Variants in KSR2 observed in about 807,000 individuals in gnomAD.
KSR2 encodes the protein kinase suppressor of ras 2.
A neutral mutation model predicts 107.8 loss-of-function variants in KSR2; 25 were observed. The ratio of observed to expected loss-of-function variants is 0.23; its 90% CI spans 0.17 to 0.32. The LOEUF is 0.32. Ranked by LOEUF, KSR2 falls within the 10% of genes least tolerant of loss-of-function variation. The pLI is 1.00. For missense variants in KSR2, 887 were observed against 1,268.9 expected (o/e 0.70, Z 4.57); for synonymous variants, 480 against 507.0 (o/e 0.95, Z 0.71).
intron 4 of KSR2, among the ~76,000 whole-genome samples, chr12:117,692,164 G>A (rs144340106): frequency 1.8e-4 from 27 of 152,142 alleles, no homozygotes; most frequent in Non-Finnish European, 2.6e-4. Context: ...ACGGTTCTCC[G>A]AAGGAGATAC....
At chr12:117,694,685 G>A (rs1397774989) in intron 4 of KSR2, among the ~76,000 whole-genome samples, 1 of 152,238 alleles carries the variant, frequency 6.6e-6, no homozygotes, top group East Asian at 1.9e-4. Flanking sequence ...TTCACTGACA[G>A]ATGAATGGAT....
chr12:117,521,022 G>A (rs965486904), intron 14 of KSR2, among the ~76,000 whole-genome samples: 34 of 152,208 alleles, frequency 2.2e-4, no homozygotes, highest in Admixed American at 2.2e-3. Context: ...CTGGGGCAGG[G>A]CCAGGCACTG....
In KSR2 at chr12:117,761,277, T is replaced by C. The variant is rs916669677; in HGVS notation, c.720A>G (p.Pro240=). Residue 240 remains proline (P), a synonymous_variant, in exon 4 of 20, where the codon CCA becomes CCG. Transcript: ENST00000339824. Reference sequence around the variant, plus strand: ...GCAGGGAACGGTGGCCCGACTCCAGTGGCGGGGGCGGGCACAAGCCCGGGT... The same window carrying C: ...GCAGGGAACGGTGGCCCGACTCCAGCGGCGGGGGCGGGCACAAGCCCGGGT... ...DAYPGLCPPP[P]LESGHRSLPP... 2.0e-6 allele frequency: 3 copies of C among 1,518,480 alleles called. No individual in the cohort carries two copies. The highest frequency in any genetic ancestry group is 1.8e-6 in the Non-Finnish European group (2 of 1,136,880). 94.1% of individuals were successfully genotyped at this position (1,518,480 alleles called of 1,614,324 possible).
intron 6 of KSR2, among the ~76,000 whole-genome samples, chr12:117,580,888 C>T (rs1879619113): frequency 6.6e-6 from 1 of 151,444 alleles, no homozygotes; most frequent in Non-Finnish European, 1.5e-5. Flanking sequence ...GTGGCTGAGC[C>T]TGGGGCGTAG....
intron 1 of KSR2, among the ~76,000 whole-genome samples, chr12:117,909,808 T>G (rs2137423907): frequency 6.6e-6 from 1 of 151,458 alleles, no homozygotes; most frequent in South Asian, 2.1e-4. Context: ...CTCAGGTGGC[T>G]GAGGCAGGAG....
intron 5 of KSR2, among the ~76,000 whole-genome samples, chr12:117,605,838 C>T (rs1336376787): frequency 2.0e-5 from 3 of 152,146 alleles, no homozygotes; most frequent in African/African-American, 7.2e-5. Flanking sequence ...ATGGATAAAT[C>T]TGGAAACGAT....
intron 8 of KSR2, among the ~76,000 whole-genome samples, chr12:117,555,982 T>TG (rs1555215544): frequency 1.3e-5 from 2 of 152,068 alleles, no homozygotes; most frequent in African/African-American, 4.8e-5. Context: ...TTGTTGTTGT[T>TG]TTATTGCAGC....
intron 4 of KSR2, among the ~76,000 whole-genome samples, chr12:117,685,538 AGT>A (rs1180524772): frequency 6.6e-6 from 1 of 152,206 alleles, no homozygotes; most frequent in Non-Finnish European, 1.5e-5. Flanking sequence ...CAGCCCAGTA[AGT>A]GATGGGCCCC....
intron 5 of KSR2, among the ~76,000 whole-genome samples, chr12:117,630,995 CG>C (rs533758173): frequency 7.7e-4 from 117 of 152,232 alleles, no homozygotes; most frequent in Middle Eastern, 3.4e-3. Context: ...TGACAAGAGA[CG>C]GGCTGTAGAA....
chr12:117,890,186 T>C lies in KSR2; in HGVS notation c.181-29755A>G, dbSNP rs544470393. On this transcript the variant is annotated intron_variant, in intron 1 of 19. Coordinates refer to ENST00000339824, the MANE Select transcript of KSR2 (RefSeq NM_173598.6). The stretch of plus-strand genomic sequence containing the variant: ...CATCCTCGAAAAGGTCTTGAGACAA[T>C]GGTACTGTTCTTCCTATCTTATGTC... Among the ~76,000 whole-genome samples, 51 of 152,354 alleles carry C rather than the reference T, an allele frequency of 3.3e-4. No individual in the cohort carries two copies. In the South Asian group the frequency reaches 9.3e-3, roughly 28 times the overall value.
intron 4 of KSR2, among the ~76,000 whole-genome samples, chr12:117,734,558 C>T (rs1427391225): frequency 6.6e-6 from 1 of 152,136 alleles, no homozygotes; most frequent in Non-Finnish European, 1.5e-5. Flanking sequence ...TCCAAGTCAG[C>T]CCCATCGCTC....
chr12:117,789,427 A>G (rs1013769458), intron 3 of KSR2, among the ~76,000 whole-genome samples: 2 of 152,160 alleles, frequency 1.3e-5, no homozygotes, highest in African/African-American at 4.8e-5. Flanking sequence ...ATCCTCTGAG[A>G]TGCTTCCACC....
At chr12:117,799,886 G>A (rs1038843537) in intron 3 of KSR2, among the ~76,000 whole-genome samples, 2 of 152,196 alleles carry the variant, frequency 1.3e-5, no homozygotes, top group African/African-American at 2.4e-5. Context: ...TCCAAGAGCT[G>A]TGCTAGGTTG....
At chr12:117,646,972 C>T (rs1216540099) in intron 5 of KSR2, among the ~76,000 whole-genome samples, 5 of 151,736 alleles carry the variant, frequency 3.3e-5, no homozygotes, top group African/African-American at 1.2e-4. Context: ...GGAGAAAGAG[C>T]CAGGGAGAGG....
chr12:117,955,241 G>A (rs970152234), intron 1 of KSR2, among the ~76,000 whole-genome samples: 1 of 151,834 alleles, frequency 6.6e-6, no homozygotes, highest in African/African-American at 2.4e-5. Flanking sequence ...TCCCACCTCA[G>A]CCTCCCAGGT....
chr12:117,478,611 A>AT (rs1298959188), intron 16 of KSR2, among the ~76,000 whole-genome samples: 7 of 149,890 alleles, frequency 4.7e-5, no homozygotes, highest in East Asian at 2.0e-4. Context: ...ATTTTATTTT[A>AT]TTTTTTTTTA....
intron 4 of KSR2, among the ~76,000 whole-genome samples, chr12:117,760,031 C>G (rs1445696228): frequency 6.6e-6 from 1 of 152,204 alleles, no homozygotes; most frequent in African/African-American, 2.4e-5. Flanking sequence ...ATCACTTGAA[C>G]CTGGGAGGCA....
rs1448874440 is a variant in KSR2 at position 117,461,501 on chromosome 12, C to G, written c.*5698G>C. On this transcript the variant is annotated 3_prime_UTR_variant, in exon 20 of 20. Transcript: ENST00000339824. ...CACTACTAAGACAAGTCCAGGAGGT[C>G]ACTGGGACCGCAGATTTTCCATCAA... The G allele has an allele frequency of 6.6e-6, 1 of 152,300 alleles. No individual in the cohort carries two copies. The highest frequency in any genetic ancestry group is 1.5e-5 in the Non-Finnish European group (1 of 68,084). The allele number at this position is 152,300 out of a possible 1,614,324, so 9.4% of individuals were successfully genotyped here.
intron 3 of KSR2, among the ~76,000 whole-genome samples, chr12:117,808,435 T>C (rs2137042020): frequency 6.6e-6 from 1 of 152,282 alleles, no homozygotes; most frequent in Admixed American, 6.5e-5. Flanking sequence ...ATGAGGAAGT[T>C]ATTTAACCCC....
Sources: gnomAD v4.1 joint callset for allele counts (sites outside exome capture counted in the v4.1 genomes callset) on GRCh38, gnomAD v4.1.1 for gene constraint, MANE v1.5 for transcripts, NCBI Gene and HGNC (gene_info 2026-07-23, HGNC 2026-07-21) for gene names.